GALNTL6: variants seen among roughly 807,000 people sequenced by gnomAD.
GALNTL6 encodes the protein polypeptide N-acetylgalactosaminyltransferase-like 6.
A neutral mutation model predicts 73.7 loss-of-function variants in GALNTL6; 46 were observed. The observed-to-expected ratio is 0.62, with a 90% CI of 0.49 to 0.80. The LOEUF (loss-of-function observed/expected upper bound fraction) is 0.80. Ranked by LOEUF, GALNTL6 falls within the 30% of genes least tolerant of loss-of-function variation. GALNTL6 has a pLI of 0.00. For missense variants in GALNTL6, 604 were observed against 755.0 expected (o/e 0.80, Z 2.34); for synonymous variants, 259 against 263.7 (o/e 0.98, Z 0.17).
intron 5 of GALNTL6, among the ~76,000 whole-genome samples, chr4:172,601,435 C>G (rs986544176): frequency 2.0e-5 from 3 of 152,134 alleles, no homozygotes; most frequent in African/African-American, 7.2e-5. Context: ...AGTGCTTGCT[C>G]TCACATGACT....
At chr4:172,417,418 G>A (rs1730885335) in intron 5 of GALNTL6, among the ~76,000 whole-genome samples, 1 of 151,994 alleles carries the variant, frequency 6.6e-6, no homozygotes, top group African/African-American at 2.4e-5. Context: ...TTATACTTGG[G>A]ATAGATGATG....
At chr4:172,461,702 T>C (rs1732625986) in intron 5 of GALNTL6, among the ~76,000 whole-genome samples, 1 of 152,240 alleles carries the variant, frequency 6.6e-6, no homozygotes, top group African/African-American at 2.4e-5. Flanking sequence ...TATATTCAGT[T>C]GAATGTTTTT....
chr4:172,233,190 G>A (rs1470354967), intron 3 of GALNTL6, among the ~76,000 whole-genome samples: 3 of 138,902 alleles, frequency 2.2e-5, no homozygotes, highest in Admixed American at 1.5e-4. Context: ...GAAACATAGC[G>A]AGACCTCATC....
At chr4:172,522,651 C>G (rs1467686439) in intron 5 of GALNTL6, among the ~76,000 whole-genome samples, 1 of 131,674 alleles carries the variant, frequency 7.6e-6, no homozygotes, top group East Asian at 2.3e-4. Context: ...GCCTGGGTAA[C>G]GAGTGAAACT....
At chr4:171,847,441 G>A (rs1047043664) in intron 2 of GALNTL6, among the ~76,000 whole-genome samples, 2 of 152,126 alleles carry the variant, frequency 1.3e-5, no homozygotes, top group Non-Finnish European at 2.9e-5. Flanking sequence ...GATTGGGGTG[G>A]CTGTGTCAAT....
chr4:172,482,909 A>AT (rs1172167839), intron 5 of GALNTL6, among the ~76,000 whole-genome samples: 2 of 152,146 alleles, frequency 1.3e-5, no homozygotes, highest in Non-Finnish European at 2.9e-5. Context: ...TAAAGATATC[A>AT]TTTTACATTT....
chr4:172,987,754 A>T (rs1040256125), intron 10 of GALNTL6, among the ~76,000 whole-genome samples: 18 of 151,642 alleles, frequency 1.2e-4, no homozygotes, highest in African/African-American at 4.4e-4. Context: ...AGTGTGTAGC[A>T]CCTCTCCCTT....
chr4:172,226,141 G>A (rs1187307887), intron 2 of GALNTL6, among the ~76,000 whole-genome samples: 1 of 152,034 alleles, frequency 6.6e-6, no homozygotes, highest in African/African-American at 2.4e-5. Flanking sequence ...TCCCCTACTT[G>A]CAATTTCTGA....
At chr4:172,992,343 T>C (rs1199706444) in intron 10 of GALNTL6, among the ~76,000 whole-genome samples, 1 of 152,210 alleles carries the variant, frequency 6.6e-6, no homozygotes, top group East Asian at 1.9e-4. Flanking sequence ...AAGCCTCTAG[T>C]AAATACAGTA....
chr4:172,218,532 T>C (rs1310651931), intron 2 of GALNTL6, among the ~76,000 whole-genome samples: 2 of 152,090 alleles, frequency 1.3e-5, no homozygotes, highest in African/African-American at 4.8e-5. Flanking sequence ...CTGCAGTTTC[T>C]GCTGTAAGAA....
chr4:172,266,586 C>T (rs146005334), intron 3 of GALNTL6, among the ~76,000 whole-genome samples: 2,298 of 152,076 alleles, frequency 0.015, 35 homozygotes, highest in Non-Finnish European at 0.022. Flanking sequence ...TTAAAATACA[C>T]GAAAGTACAT....
In GALNTL6 at chr4:172,883,012, T is replaced by C. The variant is rs544256295; in HGVS notation, c.1041+105T>C. 2.8e-5 allele frequency: 18 copies of C among 648,746 alleles called. No homozygotes were observed. The South Asian group carries it at 3.5e-4, about 13-fold the overall frequency. 40.2% of individuals were successfully genotyped at this position (648,746 alleles called of 1,614,324 possible). On this transcript the variant is annotated intron_variant, in intron 8 of 12. Coordinates refer to ENST00000506823, the MANE Select transcript of GALNTL6 (RefSeq NM_001034845.3). Reference sequence around the variant, plus strand: ...CCTGTGTTCTGGGATGACTTAATGGTAATAGATGTATCACCTTCCCAAGTG... The same window carrying C: ...CCTGTGTTCTGGGATGACTTAATGGCAATAGATGTATCACCTTCCCAAGTG...
chr4:172,337,444 T>C (rs1211413030), intron 4 of GALNTL6, among the ~76,000 whole-genome samples: 4 of 152,210 alleles, frequency 2.6e-5, no homozygotes, highest in African/African-American at 4.8e-5. Context: ...TGTTAAGAAC[T>C]CCTATATGGA....
intron 2 of GALNTL6, among the ~76,000 whole-genome samples, chr4:172,076,171 A>G (rs963752774): frequency 6.6e-6 from 1 of 152,206 alleles, no homozygotes; most frequent in East Asian, 1.9e-4. Flanking sequence ...TTGAGAATTT[A>G]TGTTTCTCTG....
chr4:172,648,082 G>A (rs1175004297), intron 5 of GALNTL6, among the ~76,000 whole-genome samples: 1 of 152,086 alleles, frequency 6.6e-6, no homozygotes, highest in South Asian at 2.1e-4. Context: ...CTCCGGCATG[G>A]GTAGATTTTT....
At chr4:172,132,846 T>C (rs1477205573) in intron 2 of GALNTL6, among the ~76,000 whole-genome samples, 1 of 152,212 alleles carries the variant, frequency 6.6e-6, no homozygotes, top group Non-Finnish European at 1.5e-5. Context: ...TCTGATCCTT[T>C]AAGTATCTTT....
chr4:172,300,090 C>T (rs1739853313), intron 3 of GALNTL6, among the ~76,000 whole-genome samples: 5 of 152,280 alleles, frequency 3.3e-5, no homozygotes, highest in Non-Finnish European at 7.3e-5. Flanking sequence ...ATAGTTAGCT[C>T]TTCTTGTTGA....
At chr4:172,551,955 G>A (rs776229248) in intron 5 of GALNTL6, among the ~76,000 whole-genome samples, 3 of 152,096 alleles carry the variant, frequency 2.0e-5, no homozygotes, top group South Asian at 4.2e-4. Flanking sequence ...TAAGTCAGGA[G>A]TATAAAAAGA....
chr4:172,739,571 A>G (rs1736682304), intron 5 of GALNTL6, among the ~76,000 whole-genome samples: 1 of 152,194 alleles, frequency 6.6e-6, no homozygotes, highest in South Asian at 2.1e-4. Context: ...AACCAGAATA[A>G]TTCCAGAATA....
Sources: gnomAD v4.1 joint callset for allele counts (sites outside exome capture counted in the v4.1 genomes callset) on GRCh38, gnomAD v4.1.1 for gene constraint, MANE v1.5 for transcripts, NCBI Gene and HGNC (gene_info 2026-07-23, HGNC 2026-07-21) for gene names.